Variants in CAMKMT observed in about 807,000 individuals in gnomAD.
The protein encoded by CAMKMT is CaM KMT.
In CAMKMT, 53 loss-of-function variants were observed where a neutral mutation model predicts 48.0. The ratio of observed to expected loss-of-function variants is 1.10; its 90% confidence interval spans 0.89 to 1.39. The LOEUF (loss-of-function observed/expected upper bound fraction) is 1.39. Among genes scored for constraint, CAMKMT ranks in the 40% most tolerant of loss-of-function variants. The probability of loss-of-function intolerance (pLI) is 0.00; values close to 1 mark genes in which losing one functional copy is unlikely to be tolerated. For synonymous variants in CAMKMT, 165 were observed against 152.3 expected (o/e 1.08, Z -0.61); for missense variants, 428 against 402.7 (o/e 1.06, Z -0.54).
chr2:44,455,245 G>A lies in CAMKMT; in HGVS notation c.376+64940G>A, dbSNP rs79134163. Among the ~76,000 whole-genome samples the A allele has an allele frequency of 2.6e-3, 392 of 152,260 alleles. 1 individual carries two copies. The highest frequency in any genetic ancestry group is 7.9e-3 in the African/African-American group (329 of 41,570). ...GATTCCAGGACGAAGCCTAGAGATAGATTTTTTTTAGAAGGAGGCTTATCT... is the reference window on the plus strand; with the variant it reads ...GATTCCAGGACGAAGCCTAGAGATAAATTTTTTTTAGAAGGAGGCTTATCT... On this transcript the variant is annotated intron_variant, in intron 3 of 10. Transcript: ENST00000378494.
Position 44,670,129 on chromosome 2 carries a change from A to C in CAMKMT, c.377-34154A>C, listed in dbSNP as rs368942402. Among the ~76,000 whole-genome samples the C allele has an allele frequency of 1.4e-4, 22 of 152,262 alleles. 1 individual carries two copies. The South Asian group carries it at 2.1e-3, about 14-fold the overall frequency. On this transcript the variant is annotated intron_variant, in intron 3 of 10. Coordinates refer to ENST00000378494, the MANE Select transcript of CAMKMT (RefSeq NM_024766.5). ...TCTGAATACTAATCCTTGATCAGTTATGTGTTACAATTATCTTCTCCCAGT... is the reference window on the plus strand; with the variant it reads ...TCTGAATACTAATCCTTGATCAGTTCTGTGTTACAATTATCTTCTCCCAGT...
rs1160097011 is a variant in CAMKMT at position 44,587,819 on chromosome 2, G to C, written c.377-116464G>C. On this transcript the variant is annotated intron_variant, in intron 3 of 10. Transcript: ENST00000378494. Reference sequence around the variant, plus strand: ...GGCTGGAGTGCAGTGGCGTGATCTCGGCTCGCTACAACCTCCACCTCCCAG... The same window carrying C: ...GGCTGGAGTGCAGTGGCGTGATCTCCGCTCGCTACAACCTCCACCTCCCAG... Among the ~76,000 whole-genome samples, 35 of 136,628 alleles carry C rather than the reference G, an allele frequency of 2.6e-4. No individual in the cohort carries two copies. The East Asian group carries it at 7.2e-3, about 28-fold the overall frequency. The allele number at this position is 136,628 out of a possible 152,430, so 89.6% of individuals were successfully genotyped here.
chr2:44,727,912 A>T (rs927367616), intron 7 of CAMKMT, among the ~76,000 whole-genome samples: 1 of 152,090 alleles, frequency 6.6e-6, no homozygotes, highest in Non-Finnish European at 1.5e-5. Context: ...AACCACATTT[A>T]TTGATTTACA....
At chr2:44,594,980 A>G (rs1006705655) in intron 3 of CAMKMT, among the ~76,000 whole-genome samples, 57 of 152,296 alleles carry the variant, frequency 3.7e-4, no homozygotes, top group African/African-American at 1.3e-3. Flanking sequence ...CAACCCCATC[A>G]AAAAGTGGGT....
intron 3 of CAMKMT, among the ~76,000 whole-genome samples, chr2:44,647,893 G>A (rs1673827865): frequency 7.6e-6 from 1 of 130,784 alleles, no homozygotes; most frequent in Non-Finnish European, 1.6e-5. Flanking sequence ...GGGCGACAGA[G>A]TGAGACTCCG....
intron 1 of CAMKMT, among the ~76,000 whole-genome samples, chr2:44,368,526 C>G (rs1456318183): frequency 6.6e-6 from 1 of 152,162 alleles, no homozygotes; most frequent in Non-Finnish European, 1.5e-5. Context: ...TCATGTAGAT[C>G]ACGTTGTCAT....
At chr2:44,690,037 T>A (rs569174806) in intron 3 of CAMKMT, among the ~76,000 whole-genome samples, 1 of 152,194 alleles carries the variant, frequency 6.6e-6, no homozygotes, top group Admixed American at 6.5e-5. Context: ...GCTCTGAGAT[T>A]TAATTAACAA....
Position 44,542,531 on chromosome 2 carries a change from ACACACACTCT to A in CAMKMT, c.376+152228_376+152237del, listed in dbSNP as rs1218539340. 2.3e-3 allele frequency among the ~76,000 whole-genome samples: 139 copies of A among 60,282 alleles called. 2 individuals carry two copies. The highest frequency in any genetic ancestry group is 6.4e-3 in the Admixed American group (44 of 6,822). 39.5% of individuals were successfully genotyped at this position (60,282 alleles called of 152,430 possible). A position where few individuals can be genotyped will look rare whatever the true frequency, so the allele number is the denominator to read the frequency against. The stretch of plus-strand genomic sequence containing the variant: ...CACACACACACACACACACACACAC[ACACACACTCT>A]CTCTCTCTCTCTCTCTTTCTCTCTC... On this transcript the variant is annotated intron_variant, in intron 3 of 10. Transcript: ENST00000378494.
At chr2:44,364,583 G>A (rs1367982501) in intron 1 of CAMKMT, among the ~76,000 whole-genome samples, 2 of 152,204 alleles carry the variant, frequency 1.3e-5, no homozygotes, top group African/African-American at 4.8e-5. Context: ...ATGTTGTTCA[G>A]TGTCTGTGGA....
intron 3 of CAMKMT, among the ~76,000 whole-genome samples, chr2:44,660,443 GA>G (rs1182166148): frequency 6.6e-6 from 1 of 152,194 alleles, no homozygotes. Flanking sequence ...TGCAACATAA[GA>G]AATGGAAATA....
At chr2:44,633,871 G>A (rs1166964508) in intron 3 of CAMKMT, among the ~76,000 whole-genome samples, 1 of 151,934 alleles carries the variant, frequency 6.6e-6, no homozygotes. Context: ...TTTTGTTTTG[G>A]TAGTCAGTTA....
At chr2:44,720,069 G>A (rs1468776372) in intron 7 of CAMKMT, among the ~76,000 whole-genome samples, 1 of 152,118 alleles carries the variant, frequency 6.6e-6, no homozygotes, top group Non-Finnish European at 1.5e-5. Context: ...TTGCTTAACA[G>A]GTTTATAGAT....
intron 3 of CAMKMT, among the ~76,000 whole-genome samples, chr2:44,608,896 G>A (rs1305039528): frequency 6.6e-6 from 1 of 152,116 alleles, no homozygotes; most frequent in Admixed American, 6.5e-5. Flanking sequence ...GTTAGTTTCA[G>A]TATTTTAAGA....
intron 3 of CAMKMT, among the ~76,000 whole-genome samples, chr2:44,470,503 G>T (rs1668357847): frequency 6.8e-6 from 1 of 147,118 alleles, no homozygotes; most frequent in Admixed American, 6.8e-5. Context: ...GAGGTGTCTG[G>T]TTTCTTCCCA....
At chr2:44,535,564 G>A (rs984604904) in intron 3 of CAMKMT, among the ~76,000 whole-genome samples, 1 of 152,190 alleles carries the variant, frequency 6.6e-6, no homozygotes, top group African/African-American at 2.4e-5. Context: ...TTTAAAACAG[G>A]GATGCAAAGA....
At chr2:44,404,988 A>T (rs1480167690) in intron 3 of CAMKMT, among the ~76,000 whole-genome samples, 1 of 152,162 alleles carries the variant, frequency 6.6e-6, no homozygotes, top group Non-Finnish European at 1.5e-5. Context: ...GGAGGCAAAA[A>T]TACGAAAATG....
At chr2:44,411,220 G>T (rs948669602) in intron 3 of CAMKMT, among the ~76,000 whole-genome samples, 4 of 152,136 alleles carry the variant, frequency 2.6e-5, no homozygotes, top group Admixed American at 2.6e-4. Context: ...GTTAGGGTAG[G>T]TATTTTTGTG....
intron 3 of CAMKMT, among the ~76,000 whole-genome samples, chr2:44,469,347 C>A (rs1668295731): frequency 1.2e-5 from 1 of 84,714 alleles, no homozygotes; most frequent in Non-Finnish European, 2.4e-5. Flanking sequence ...CTTATTAAAC[C>A]TGATTTTTTT....
intron 3 of CAMKMT, among the ~76,000 whole-genome samples, chr2:44,403,841 C>G (rs1682598160): frequency 6.6e-6 from 1 of 152,134 alleles, no homozygotes; most frequent in Admixed American, 6.5e-5. Context: ...AACAGCATTT[C>G]CAGTTTACAT....
Sources: gnomAD v4.1 joint callset for allele counts (sites outside exome capture counted in the v4.1 genomes callset) on GRCh38, gnomAD v4.1.1 for gene constraint, MANE v1.5 for transcripts, NCBI Gene and HGNC (gene_info 2026-07-23, HGNC 2026-07-21) for gene names.